HACE1: variants seen among roughly 807,000 people sequenced by gnomAD.
HACE1 encodes the protein E3 ubiquitin-protein ligase HACE1.
A neutral mutation model predicts 118.4 loss-of-function variants in HACE1; 73 were observed. The ratio of observed to expected loss-of-function variants is 0.62; its 90% CI spans 0.51 to 0.75. The LOEUF (loss-of-function observed/expected upper bound fraction) is 0.75. HACE1 is among the 30% of genes least tolerant of loss of function. The probability of loss-of-function intolerance (pLI) is 0.00; values close to 1 mark genes in which losing one functional copy is unlikely to be tolerated. For missense variants in HACE1, 749 were observed against 1,102.2 expected, an observed-to-expected ratio of 0.68 and a Z score of 4.54; for synonymous variants, 368 against 374.8, an observed-to-expected ratio of 0.98 and a Z score of 0.21.
Position 104,840,455 on chromosome 6 carries a change from G to A in HACE1, c.402+2768C>T, listed in dbSNP as rs537056053. ...CTCATCTTCCAGAAAGTCAACAGGT[G>A]ATACCTAAAACCAAAAAACCAGGAA... On this transcript the variant is annotated intron_variant, in intron 5 of 23. Coordinates refer to ENST00000262903, the MANE Select transcript of HACE1 (RefSeq NM_020771.4). Among the ~76,000 whole-genome samples, 5 of 152,214 alleles carry A rather than the reference G, an allele frequency of 3.3e-5. No individual in the cohort carries two copies. In the East Asian group the frequency reaches 9.7e-4, roughly 29 times the overall value.
At chr6:104,733,366 T>A (rs1392866136) in intron 22 of HACE1, among the ~76,000 whole-genome samples, 2 of 152,190 alleles carry the variant, frequency 1.3e-5, no homozygotes, top group African/African-American at 4.8e-5. Context: ...ACCTTATTCT[T>A]TTCCTACACT....
At chr6:104,811,264 A>C (rs780458430) in intron 7 of HACE1, 47 bp downstream of exon 7, 5 of 400,478 alleles carry the variant, frequency 1.2e-5, no homozygotes, top group Non-Finnish European at 2.3e-5. Context: ...ATATATATAT[A>C]TATATATATG....
At chr6:104,812,408 G>A (rs1771723163) in intron 6 of HACE1, among the ~76,000 whole-genome samples, 1 of 151,870 alleles carries the variant, frequency 6.6e-6, no homozygotes, top group Non-Finnish European at 1.5e-5. Flanking sequence ...TTACACCACT[G>A]CACTCCAGCT....
rs530409037 is a variant in HACE1 at position 104,811,433 on chromosome 6, T to C, written c.535-40A>G. The C allele has an allele frequency of 3.1e-6, 3 of 953,674 alleles. No individual in the cohort carries two copies. The South Asian group carries it at 3.8e-5, about 12-fold the overall frequency. 59.1% of individuals were successfully genotyped at this position (953,674 alleles called of 1,614,324 possible). A position where few individuals can be genotyped will look rare whatever the true frequency, so the allele number is the denominator to read the frequency against. On this transcript the variant is annotated intron_variant, in intron 6 of 23. Coordinates refer to ENST00000262903, the MANE Select transcript of HACE1 (RefSeq NM_020771.4). The stretch of plus-strand genomic sequence containing the variant: ...ATAATTAAAAGTAAAGCCAGAGGAA[T>C]CAAACAAAAGATACAATTACCACAA...
chr6:104,755,359 T>C (rs1211497424), intron 19 of HACE1, among the ~76,000 whole-genome samples: 1 of 152,138 alleles, frequency 6.6e-6, no homozygotes, highest in African/African-American at 2.4e-5. Context: ...CTAACAATAT[T>C]AGACAGATCA....
At chr6:104,791,403 C>T (rs926539506) in intron 11 of HACE1, 101 bp downstream of exon 11, 2 of 1,094,396 alleles carry the variant, frequency 1.8e-6, no homozygotes, top group African/African-American at 1.5e-5. Flanking sequence ...ATAAACCAAA[C>T]TTACAACCTG....
rs1015219215 is a variant in HACE1 at position 104,798,639 on chromosome 6, G to A, written c.618-1614C>T. Among the ~76,000 whole-genome samples, 17 of 152,274 alleles carry A rather than the reference G, an allele frequency of 1.1e-4. 2 individuals are homozygous for A. In the South Asian group the frequency reaches 3.3e-3, roughly 30 times the overall value. ...GCATCAAGCAAGAAGTCCTCATCAA[G>A]CATCACTTGTCATTAAGCTCAAAGT... On this transcript the variant is annotated intron_variant, in intron 7 of 23. Transcript: ENST00000262903.
rs757383847 is a variant in HACE1 at position 104,750,463 on chromosome 6, C to T, written c.2221G>A (p.Val741Ile). ...ATTCGAAGTTCAGTAACAAGCTGGA[C>T]GTACTCCGCCTGTTGAAAAAGAAGT... ...LVTQNNKAEY[V>I]QLVTELRMTR... Residue 741 changes from valine (V) to isoleucine (I), a missense_variant, in exon 20 of 24, where the codon GTC (valine) becomes ATC (isoleucine). Physicochemically the swap from Val to Ile is conservative, Grantham distance 29. This residue lies in a region of HACE1 where 165 missense variants were observed against 229.9 expected (regional missense o/e 0.72). Transcript: ENST00000262903. The T allele has an allele frequency of 2.0e-5, 33 of 1,613,356 alleles. No individual in the cohort carries two copies. The highest frequency in any genetic ancestry group is 1.7e-4 in the Middle Eastern group (1 of 6,060).
intron 5 of HACE1, among the ~76,000 whole-genome samples, chr6:104,833,696 T>C (rs989778857): frequency 6.6e-6 from 1 of 152,074 alleles, no homozygotes; most frequent in Non-Finnish European, 1.5e-5. Flanking sequence ...ATTCAAAAAT[T>C]AGCTGGGCAG....
rs1262830696 is a variant in HACE1 at position 104,784,257 on chromosome 6, A to C, written c.1479-84T>G. 8 of 894,832 alleles carry C rather than the reference A, an allele frequency of 8.9e-6. No individual in the cohort carries two copies. The Admixed American group carries it at 1.2e-4, about 14-fold the overall frequency. 55.4% of individuals were successfully genotyped at this position (894,832 alleles called of 1,614,324 possible). On this transcript the variant is annotated intron_variant, in intron 13 of 23. Transcript: ENST00000262903. ...GCAAATTCAGATACACTGACACTGAAACAGAAGAAAAACACATAATAATCC... is the reference window on the plus strand; with the variant it reads ...GCAAATTCAGATACACTGACACTGACACAGAAGAAAAACACATAATAATCC...
chr6:104,760,098 C>T (rs747531125), intron 19 of HACE1, among the ~76,000 whole-genome samples: 1 of 152,168 alleles, frequency 6.6e-6, no homozygotes, highest in South Asian at 2.1e-4. Flanking sequence ...AGTGGATTCA[C>T]AGCCAAATTC....
chr6:104,758,317 C>G (rs1422036938), intron 19 of HACE1, among the ~76,000 whole-genome samples: 1 of 152,152 alleles, frequency 6.6e-6, no homozygotes, highest in African/African-American at 2.4e-5. Flanking sequence ...GGGTTACCCA[C>G]AAAGGGAAGC....
chr6:104,810,809 A>C (rs1204610092), intron 7 of HACE1, among the ~76,000 whole-genome samples: 1 of 152,116 alleles, frequency 6.6e-6, no homozygotes, highest in Admixed American at 6.5e-5. Context: ...ACAATATCTA[A>C]CAAGACTGAC....
chr6:104,733,863 A>T (rs1390401253), intron 22 of HACE1, among the ~76,000 whole-genome samples: 1 of 151,648 alleles, frequency 6.6e-6, no homozygotes, highest in African/African-American at 2.4e-5. Flanking sequence ...AGAGAAAAAA[A>T]AGAAATCAGC....
In HACE1 at chr6:104,729,222, A is replaced by C. The variant is rs1231582559; in HGVS notation, c.*440T>G. On this transcript the variant is annotated 3_prime_UTR_variant, in exon 24 of 24. Coordinates refer to ENST00000262903, the MANE Select transcript of HACE1 (RefSeq NM_020771.4). Reference sequence around the variant, plus strand: ...TAGACAATCTAAATCCATTCTATACAATAGTTTTCTAAAATATAAATGGCA... The same window carrying C: ...TAGACAATCTAAATCCATTCTATACCATAGTTTTCTAAAATATAAATGGCA... 1 of 179,980 alleles carries C rather than the reference A, an allele frequency of 5.6e-6. No homozygotes were observed. Among genetic ancestry groups the C allele is most frequent in the Non-Finnish European group, 1.2e-5 (1 of 84,784 alleles). 11.1% of individuals were successfully genotyped at this position (179,980 alleles called of 1,614,324 possible).
At chr6:104,743,243 C>A (rs1361440653) in intron 22 of HACE1, among the ~76,000 whole-genome samples, 1 of 150,880 alleles carries the variant, frequency 6.6e-6, no homozygotes, top group Admixed American at 6.6e-5. Flanking sequence ...AGCGCACCAG[C>A]ATGGCACATG....
At chr6:104,747,669 A>C (rs1221042299) in intron 20 of HACE1, among the ~76,000 whole-genome samples, 2 of 152,082 alleles carry the variant, frequency 1.3e-5, no homozygotes, top group Non-Finnish European at 2.9e-5. Context: ...ATGCTCTATG[A>C]CCATGAACAA....
intron 1 of HACE1, among the ~76,000 whole-genome samples, chr6:104,853,576 G>C (rs1470692554): frequency 6.6e-6 from 1 of 152,018 alleles, no homozygotes; most frequent in Admixed American, 6.6e-5. Context: ...TCAGTTAATA[G>C]GTTAAAGTTT....
intron 20 of HACE1, among the ~76,000 whole-genome samples, chr6:104,747,649 T>C (rs1174551814): frequency 3.9e-5 from 6 of 151,992 alleles, no homozygotes; most frequent in African/African-American, 1.4e-4. Flanking sequence ...TCATAGCCTA[T>C]CACTAACACA....
Sources: gnomAD v4.1 joint callset for allele counts (sites outside exome capture counted in the v4.1 genomes callset) on GRCh38, gnomAD v4.1.1 for gene constraint, gnomAD v4.1.1 regional missense constraint, MANE v1.5 for transcripts, NCBI Gene and HGNC (gene_info 2026-07-23, HGNC 2026-07-21) for gene names.